Variants in VIL1 observed in about 807,000 individuals in gnomAD.
VIL1 encodes villin 1.
Under a neutral mutation model 104.0 loss-of-function variants are expected in VIL1, and 86 were observed. That is an observed-to-expected ratio of 0.83 (90% CI 0.69 to 0.99). VIL1 has a LOEUF of 0.99. VIL1 is among the 50% of genes least tolerant of loss of function. VIL1 has a pLI of 0.00. For missense variants in VIL1, 944 were observed against 1,054.1 expected, an observed-to-expected ratio of 0.90 and a Z score of 1.45; for synonymous variants, 394 against 412.6, an observed-to-expected ratio of 0.95 and a Z score of 0.55.
chr2:218,434,200 A>C (rs1160081789), intron 13 of VIL1, among the ~76,000 whole-genome samples: 1 of 150,364 alleles, frequency 6.7e-6, no homozygotes, highest in East Asian at 1.9e-4. Flanking sequence ...TCCGTCTCAA[A>C]AAAAAAAAAA....
Position 218,437,233 on chromosome 2 carries a change from C to G in VIL1, c.2081C>G (p.Pro694Arg), listed in dbSNP as rs765351871. 2.6e-5 allele frequency: 42 copies of G among 1,614,042 alleles called. No homozygotes were observed. The highest frequency in any genetic ancestry group is 8.3e-5 in the Admixed American group (5 of 59,992). ...THPSGRDPET[P>R]IIVVKQGHEP... Reference sequence around the variant, plus strand: ...CCCAGCGGGCGTGACCCTGAGACCCCCATCATTGTGGTGAAGCAGGGACAC... The same window carrying G: ...CCCAGCGGGCGTGACCCTGAGACCCGCATCATTGTGGTGAAGCAGGGACAC... Residue 694 changes from proline (P) to arginine (R), a missense_variant, in exon 17 of 20, where the codon CCC becomes CGC. Transcript: ENST00000248444.
intron 14 of VIL1, 151 bp from the exon 15 acceptor site, chr2:218,435,138 A>G: frequency 2.8e-6 from 3 of 1,081,172 alleles, no homozygotes; most frequent in Non-Finnish European, 4.0e-6. Flanking sequence ...CAAGGACAGA[A>G]GAAAGCATGG....
chr2:218,445,443 C>T (rs1421235096), intron 19 of VIL1, among the ~76,000 whole-genome samples: 1 of 152,040 alleles, frequency 6.6e-6, no homozygotes, highest in African/African-American at 2.4e-5. Flanking sequence ...CAAACCAAAA[C>T]CAAACACTTC....
At position 218,438,739 on chromosome 2, in the gene VIL1, CG is replaced by C. The variant is rs760608991; in HGVS notation, c.2229+17del. 1 of 1,607,462 alleles carries C rather than the reference CG, an allele frequency of 6.2e-7. No individual in the cohort carries two copies. Among genetic ancestry groups the C allele is most frequent in the Non-Finnish European group, 8.5e-7 (1 of 1,178,072 alleles). Reference sequence around the variant, plus strand: ...CCAGATCACTGCTGTGAGTCCGGGGCGGGGTGGCTGGGCCCTGCAGTGGCCA... The same window carrying C: ...CCAGATCACTGCTGTGAGTCCGGGGCGGGTGGCTGGGCCCTGCAGTGGCCA... On this transcript the variant is annotated intron_variant, in intron 18 of 19. Coordinates refer to ENST00000248444, the MANE Select transcript of VIL1 (RefSeq NM_007127.3).
At chr2:218,431,041 AGTT>A in intron 10 of VIL1, 163 bp downstream of exon 10, 3 of 951,756 alleles carry the variant, frequency 3.2e-6, no homozygotes, top group Non-Finnish European at 4.6e-6. Flanking sequence ...GACAAACTCT[AGTT>A]GTCACAAAAA....
chr2:218,448,581 C>A lies in VIL1; in HGVS notation c.2371-642C>A, dbSNP rs547796679. On this transcript the variant is annotated intron_variant, in intron 19 of 19. Coordinates refer to ENST00000248444, the MANE Select transcript of VIL1 (RefSeq NM_007127.3). ...ACTGTCTTAAAAAAAAAAAAAAGTT[C>A]CCCATTTAATAGAGAGGAAACTAAG... 1.2e-4 allele frequency among the ~76,000 whole-genome samples: 18 copies of A among 151,236 alleles called. No homozygotes were observed. In the South Asian group the frequency reaches 3.8e-3, roughly 32 times the overall value.
At chr2:218,433,019 AAGG>A (rs1356973574) in intron 13 of VIL1, 68 bp downstream of exon 13, 23 of 1,593,208 alleles carry the variant, frequency 1.4e-5, no homozygotes, top group Middle Eastern at 1.7e-4. Flanking sequence ...GGAGATGGAG[AAGG>A]GGATGGGTGG....
intron 9 of VIL1, among the ~76,000 whole-genome samples, 179 bp downstream of exon 9, chr2:218,430,126 G>T (rs1391016152): frequency 2.0e-5 from 3 of 152,186 alleles, no homozygotes; most frequent in Middle Eastern, 3.2e-3. Context: ...GGGCCTGAGG[G>T]GCCATTCTGT....
At position 218,446,727 on chromosome 2, in the gene VIL1, A is replaced by G. The variant is rs1689368199; in HGVS notation, c.2371-2496A>G. 2.7e-5 allele frequency among the ~76,000 whole-genome samples: 4 copies of G among 149,516 alleles called. No individual in the cohort carries two copies. The South Asian group carries it at 8.4e-4, about 31-fold the overall frequency. On this transcript the variant is annotated intron_variant, in intron 19 of 19. Coordinates refer to ENST00000248444, the MANE Select transcript of VIL1 (RefSeq NM_007127.3). The stretch of plus-strand genomic sequence containing the variant: ...TCAAGGAAGAAAGTCAGTATGGTGC[A>G]GTGGAACATATGTTGTAATCAAGTG...
chr2:218,438,918 G>T (rs1470442490), intron 18 of VIL1, among the ~76,000 whole-genome samples, 192 bp downstream of exon 18: 1 of 141,678 alleles, frequency 7.1e-6, no homozygotes, highest in East Asian at 2.1e-4. Flanking sequence ...CTAGTGAAAT[G>T]GTTCTCAATT....
At chr2:218,433,052 G>A in intron 13 of VIL1, 101 bp downstream of exon 13, 1 of 1,429,262 alleles carries the variant, frequency 7.0e-7, no homozygotes, top group Non-Finnish European at 9.6e-7. Context: ...GGCTTGAGGT[G>A]AAGCCCATTC....
At chr2:218,428,140 A>G in intron 5 of VIL1, 67 bp downstream of exon 5, 2 of 1,498,668 alleles carry the variant, frequency 1.3e-6, no homozygotes, top group South Asian at 1.1e-5. Flanking sequence ...GGGGCTGAGG[A>G]GGGGTGAGGG....
Position 218,434,538 on chromosome 2 carries a change from C to G in VIL1, c.1513C>G (p.Arg505Gly). The change falls in exon 14 of 20, where the codon CGA (arginine) becomes GGA (glycine). Residue 505 changes from arginine (R) to glycine (G), a missense_variant. Physicochemically the swap from Arg to Gly is moderately radical, Grantham distance 125. Coordinates refer to ENST00000248444, the MANE Select transcript of VIL1 (RefSeq NM_007127.3). ...CCCTCACCTGCAGGGAGGCACCTCC[C>G]GAACTAACAACTTGGAGACCGGGCC... ...RMVVYQGGTS[R>G]TNNLETGPST... is the part of the protein sequence containing the mutation. The G allele has an allele frequency of 6.2e-7, 1 of 1,611,688 alleles. No homozygotes were observed. The highest frequency in any genetic ancestry group is 8.5e-7 in the Non-Finnish European group (1 of 1,179,062).
Position 218,428,212 on chromosome 2 carries a change from C to G in VIL1, c.457-15C>G. ...AGCTCTGAGTGGGGTCTGTGCCTCCCCTGTGGCTCCCTAGGTAGAGATGTC... is the reference window on the plus strand; with the variant it reads ...AGCTCTGAGTGGGGTCTGTGCCTCCGCTGTGGCTCCCTAGGTAGAGATGTC... On this transcript the variant is annotated splice_polypyrimidine_tract_variant and intron_variant, in intron 5 of 19. Coordinates refer to ENST00000248444, the MANE Select transcript of VIL1 (RefSeq NM_007127.3). 6.2e-7 allele frequency: 1 copy of G among 1,613,042 alleles called. No individual in the cohort carries two copies. Among genetic ancestry groups the G allele is most frequent in the Non-Finnish European group, 8.5e-7 (1 of 1,179,094 alleles).
intron 12 of VIL1, 139 bp downstream of exon 12, chr2:218,432,322 C>G (rs1689114123): frequency 7.5e-7 from 1 of 1,336,482 alleles, no homozygotes. Context: ...ACTGCTTTGG[C>G]TATGAGGTCC....
intron 19 of VIL1, among the ~76,000 whole-genome samples, chr2:218,448,373 T>C (rs890601157): frequency 1.3e-5 from 2 of 152,098 alleles, no homozygotes; most frequent in African/African-American, 2.4e-5. Flanking sequence ...GAGACCAGCC[T>C]GGCCAACAAG....
At chr2:218,439,919 G>A (rs368235576) in intron 18 of VIL1, among the ~76,000 whole-genome samples, 1 of 151,570 alleles carries the variant, frequency 6.6e-6, no homozygotes, top group African/African-American at 2.4e-5. Context: ...TTTGCTTTGA[G>A]AAGTTCACAG....
At chr2:218,444,024 G>A (rs1689325232) in intron 19 of VIL1, among the ~76,000 whole-genome samples, 1 of 151,996 alleles carries the variant, frequency 6.6e-6, no homozygotes, top group Non-Finnish European at 1.5e-5. Flanking sequence ...GGAGTGCAAT[G>A]GTACAATCTC....
chr2:218,437,424 G>A, intron 17 of VIL1, 112 bp downstream of exon 17: 1 of 1,326,754 alleles, frequency 7.5e-7, no homozygotes, highest in Non-Finnish European at 1.0e-6. Context: ...TTTAGAAAGG[G>A]GCTAGAGGAG....
Sources: gnomAD v4.1 joint callset for allele counts (sites outside exome capture counted in the v4.1 genomes callset) on GRCh38, gnomAD v4.1.1 for gene constraint, MANE v1.5 for transcripts, NCBI Gene and HGNC (gene_info 2026-07-23, HGNC 2026-07-21) for gene names.